ST7: variants seen among roughly 807,000 people sequenced by gnomAD.
ST7 encodes suppressor of tumorigenicity 7 protein.
Under a neutral mutation model 78.7 loss-of-function variants are expected in ST7, and 28 were observed. That is an observed-to-expected ratio of 0.36 (90% CI 0.26 to 0.49). The LOEUF (loss-of-function observed/expected upper bound fraction) is 0.49, where lower values mean the gene tolerates loss of function less well. Ranked by LOEUF, ST7 falls within the 20% of genes least tolerant of loss-of-function variation. The pLI is 0.99. For synonymous variants in ST7, 247 were observed against 249.6 expected, an observed-to-expected ratio of 0.99 and a Z score of 0.10; for missense variants, 418 against 696.0, an observed-to-expected ratio of 0.60 and a Z score of 4.49.
At chr7:117,070,180 A>C (rs1392351697) in intron 1 of ST7, among the ~76,000 whole-genome samples, 1 of 152,200 alleles carries the variant, frequency 6.6e-6, no homozygotes, top group Non-Finnish European at 1.5e-5. Context: ...GAATTTGGTT[A>C]ATTAGCAGCT....
chr7:117,064,546 A>G (rs1329205989), intron 1 of ST7, among the ~76,000 whole-genome samples: 1 of 152,214 alleles, frequency 6.6e-6, no homozygotes, highest in East Asian at 1.9e-4. Flanking sequence ...TTTGCAGGTG[A>G]AATTTGACTG....
intron 9 of ST7, among the ~76,000 whole-genome samples, chr7:117,159,049 A>C (rs1177366133): frequency 1.3e-5 from 2 of 152,156 alleles, no homozygotes. Flanking sequence ...TGCCTTTCTC[A>C]CTCAAGGAAC....
chr7:117,002,720 A>T (rs573175516), intron 1 of ST7, among the ~76,000 whole-genome samples: 1 of 151,940 alleles, frequency 6.6e-6, no homozygotes, highest in South Asian at 2.1e-4. Flanking sequence ...CACTGAATGA[A>T]GAAATTATGC....
intron 1 of ST7, among the ~76,000 whole-genome samples, chr7:117,062,535 G>A (rs964613665): frequency 1.6e-4 from 24 of 152,274 alleles, no homozygotes; most frequent in African/African-American, 5.8e-4. Flanking sequence ...CAGTGAGCTG[G>A]TCTGTTAGAA....
chr7:116,993,722 T>C (rs546866430), intron 1 of ST7, among the ~76,000 whole-genome samples: 27 of 152,246 alleles, frequency 1.8e-4, no homozygotes, highest in Non-Finnish European at 3.7e-4. Context: ...TCAGAATAGA[T>C]ACCAGAGCTA....
At chr7:117,076,033 TAC>T (rs1799313606) in intron 1 of ST7, among the ~76,000 whole-genome samples, 1 of 152,192 alleles carries the variant, frequency 6.6e-6, no homozygotes, top group Non-Finnish European at 1.5e-5. Flanking sequence ...CCTGGTTTCT[TAC>T]ACATTGTTAC....
chr7:117,032,238 A>T (rs892574420), intron 1 of ST7, among the ~76,000 whole-genome samples: 4 of 152,102 alleles, frequency 2.6e-5, no homozygotes, highest in African/African-American at 7.2e-5. Context: ...GAACATTTAA[A>T]AATTATGTTT....
intron 12 of ST7, among the ~76,000 whole-genome samples, chr7:117,199,513 T>C (rs144776100): frequency 6.6e-6 from 1 of 152,168 alleles, no homozygotes; most frequent in African/African-American, 2.4e-5. Flanking sequence ...TCTGCCCTAA[T>C]AGAATAACCA....
intron 1 of ST7, among the ~76,000 whole-genome samples, chr7:117,099,058 A>AC (rs1208585643): frequency 2.1e-5 from 3 of 144,706 alleles, no homozygotes; most frequent in Non-Finnish European, 3.0e-5. Context: ...AAAAAAAAAA[A>AC]AAAAAAACAA....
At chr7:117,221,286 G>C (rs559061691) in intron 14 of ST7, among the ~76,000 whole-genome samples, 12 of 152,266 alleles carry the variant, frequency 7.9e-5, no homozygotes, top group African/African-American at 2.9e-4. Context: ...TTGTCATCAA[G>C]AGTCTCTTAC....
chr7:117,222,396 C>T (rs541828417), intron 15 of ST7, among the ~76,000 whole-genome samples: 1 of 152,316 alleles, frequency 6.6e-6, no homozygotes, highest in African/African-American at 2.4e-5. Flanking sequence ...AATTGAATGA[C>T]ATTATTTCCA....
intron 1 of ST7, among the ~76,000 whole-genome samples, chr7:117,029,254 A>G (rs868481909): frequency 6.6e-6 from 1 of 152,072 alleles, no homozygotes; most frequent in Non-Finnish European, 1.5e-5. Flanking sequence ...TCTTGCCAAC[A>G]TTTAGTATTG....
chr7:116,986,206 G>T (rs73475008), intron 1 of ST7, among the ~76,000 whole-genome samples: 7,347 of 152,274 alleles, frequency 0.048, 590 homozygotes, highest in African/African-American at 0.17. Flanking sequence ...TATTTTAGTT[G>T]AAAGTGGGAT....
intron 1 of ST7, among the ~76,000 whole-genome samples, chr7:117,068,162 T>C (rs2116489042): frequency 6.6e-6 from 1 of 152,334 alleles, no homozygotes; most frequent in Middle Eastern, 3.4e-3. Context: ...GGATGCTTGG[T>C]CTTATTTTGG....
intron 1 of ST7, chr7:117,073,909 G>T (rs1327423337): frequency 4.6e-5 from 7 of 152,086 alleles, no homozygotes; most frequent in Non-Finnish European, 7.4e-5. Flanking sequence ...AACATTTCTT[G>T]AAGTATTGTT....
intron 12 of ST7, among the ~76,000 whole-genome samples, chr7:117,194,089 G>T (rs531042347): frequency 6.6e-6 from 1 of 152,304 alleles, no homozygotes; most frequent in South Asian, 2.1e-4. Flanking sequence ...CTGTTCTGAA[G>T]CAGAGCCACT....
At chr7:117,205,346 T>C (rs1177847219) in intron 12 of ST7, among the ~76,000 whole-genome samples, 21 of 152,220 alleles carry the variant, frequency 1.4e-4, no homozygotes, top group Admixed American at 1.3e-3. Context: ...AGCAACTTAA[T>C]AGTCATCATT....
chr7:117,030,691 T>C (rs878973073), intron 1 of ST7, among the ~76,000 whole-genome samples: 5 of 152,210 alleles, frequency 3.3e-5, no homozygotes, highest in Admixed American at 3.3e-4. Context: ...AAATAACAGA[T>C]GCTGGTGAGG....
chr7:116,978,271 G>T (rs1793794165), intron 1 of ST7, among the ~76,000 whole-genome samples: 1 of 152,220 alleles, frequency 6.6e-6, no homozygotes, highest in African/African-American at 2.4e-5. Flanking sequence ...TGACTTGCAG[G>T]TGTGAAGTTT....
Sources: allele counts gnomAD v4.1 joint callset (sites outside exome capture counted in the v4.1 genomes callset), GRCh38; gene constraint gnomAD v4.1.1; transcripts MANE v1.5; gene names NCBI Gene and HGNC (gene_info 2026-07-23, HGNC 2026-07-21).